PARD3B: variants seen among roughly 807,000 people sequenced by gnomAD.
The protein encoded by PARD3B is par-3 family cell polarity regulator beta, also known as partitioning defective 3 homolog B.
In PARD3B, 103 loss-of-function variants were observed where a neutral mutation model predicts 130.2. The observed-to-expected ratio is 0.79, with a 90% CI of 0.67 to 0.93. The LOEUF (loss-of-function observed/expected upper bound fraction) is 0.93. PARD3B is among the 40% of genes least tolerant of loss of function. PARD3B has a pLI of 0.00. For missense variants in PARD3B, 1,609 were observed against 1,499.2 expected, an observed-to-expected ratio of 1.07 and a Z score of -1.21; for synonymous variants, 583 against 553.2, an observed-to-expected ratio of 1.05 and a Z score of -0.76.
chr2:204,989,446 T>G (rs1322978021), intron 3 of PARD3B, among the ~76,000 whole-genome samples: 2 of 152,118 alleles, frequency 1.3e-5, no homozygotes, highest in Non-Finnish European at 2.9e-5. Flanking sequence ...AATTAAATAT[T>G]GAATTTGAGA....
chr2:205,496,576 C>G (rs2049934005), intron 20 of PARD3B, among the ~76,000 whole-genome samples: 1 of 152,108 alleles, frequency 6.6e-6, no homozygotes, highest in Non-Finnish European at 1.5e-5. Flanking sequence ...GATTTCTTTT[C>G]TGGGTAAATA....
At chr2:204,647,183 T>G (rs2035303460) in intron 1 of PARD3B, among the ~76,000 whole-genome samples, 1 of 151,926 alleles carries the variant, frequency 6.6e-6, no homozygotes. Flanking sequence ...TAGTTTTAAT[T>G]AGCATTTTCT....
chr2:205,411,503 T>G (rs1168315324), intron 19 of PARD3B, among the ~76,000 whole-genome samples: 1 of 152,160 alleles, frequency 6.6e-6, no homozygotes, highest in South Asian at 2.1e-4. Flanking sequence ...TCTTTCAGAT[T>G]GTTGTGAAAA....
At chr2:205,520,859 T>G (rs2051016149) in intron 21 of PARD3B, among the ~76,000 whole-genome samples, 1 of 152,066 alleles carries the variant, frequency 6.6e-6, no homozygotes, top group African/African-American at 2.4e-5. Flanking sequence ...CTAGAAAGGA[T>G]ATTAAGTAAT....
intron 18 of PARD3B, among the ~76,000 whole-genome samples, chr2:205,384,609 T>C (rs531947560): frequency 2.4e-4 from 37 of 152,176 alleles, no homozygotes; most frequent in Non-Finnish European, 4.4e-4. Flanking sequence ...GCTGTGTCTA[T>C]GTGCTCTCCA....
intron 4 of PARD3B, among the ~76,000 whole-genome samples, chr2:205,066,765 CTTCTAA>C (rs1700405570): frequency 6.6e-6 from 1 of 151,976 alleles, no homozygotes; most frequent in African/African-American, 2.4e-5. Flanking sequence ...GACGGTTTTT[CTTCTAA>C]TTCTAAATCA....
At chr2:205,513,321 C>G (rs1387369493) in intron 21 of PARD3B, among the ~76,000 whole-genome samples, 1 of 151,982 alleles carries the variant, frequency 6.6e-6, no homozygotes. Flanking sequence ...AAATGGATAG[C>G]TTTCTCCTTT....
intron 1 of PARD3B, among the ~76,000 whole-genome samples, chr2:204,662,544 T>G (rs2035858263): frequency 6.6e-6 from 1 of 152,238 alleles, no homozygotes; most frequent in African/African-American, 2.4e-5. Context: ...AAGTTCTTTT[T>G]CTTTGCAGAA....
At chr2:204,928,711 T>C (rs1042512158) in intron 2 of PARD3B, among the ~76,000 whole-genome samples, 10 of 152,144 alleles carry the variant, frequency 6.6e-5, no homozygotes, top group Non-Finnish European at 1.5e-4. Context: ...CTTCCCTTGC[T>C]GTAGGTGAGC....
chr2:205,019,737 T>C (rs1186179512), intron 3 of PARD3B, among the ~76,000 whole-genome samples: 1 of 152,162 alleles, frequency 6.6e-6, no homozygotes, highest in Non-Finnish European at 1.5e-5. Flanking sequence ...GTAGAATGGA[T>C]GGTTTTTGAA....
intron 2 of PARD3B, among the ~76,000 whole-genome samples, chr2:204,686,559 G>A (rs888694430): frequency 1.3e-5 from 2 of 152,186 alleles, no homozygotes; most frequent in Non-Finnish European, 2.9e-5. Context: ...ATGTGAGGCT[G>A]TTGGAATCAT....
chr2:205,339,021 T>C (rs1460386459), intron 18 of PARD3B, among the ~76,000 whole-genome samples: 1 of 152,210 alleles, frequency 6.6e-6, no homozygotes, highest in Non-Finnish European at 1.5e-5. Flanking sequence ...TCTGGTAGCC[T>C]CTATTAACAT....
At chr2:204,701,840 C>T (rs1431495906) in intron 2 of PARD3B, among the ~76,000 whole-genome samples, 3 of 151,902 alleles carry the variant, frequency 2.0e-5, no homozygotes, top group African/African-American at 7.3e-5. Flanking sequence ...ATCCTGTCAT[C>T]CAGGTACTGA....
intron 22 of PARD3B, among the ~76,000 whole-genome samples, chr2:205,581,261 G>A (rs1559238072): frequency 7.1e-6 from 1 of 141,304 alleles, no homozygotes; most frequent in African/African-American, 2.7e-5. Context: ...GATATATATA[G>A]ATATAGATAG....
intron 1 of PARD3B, among the ~76,000 whole-genome samples, chr2:204,605,810 G>T (rs988476451): frequency 2.0e-5 from 3 of 152,238 alleles, no homozygotes; most frequent in East Asian, 1.9e-4. Flanking sequence ...GGACAGTAAT[G>T]GTTGTTTTAT....
chr2:204,642,812 G>A (rs778186864), intron 1 of PARD3B, among the ~76,000 whole-genome samples: 2 of 151,534 alleles, frequency 1.3e-5, no homozygotes, highest in Non-Finnish European at 2.9e-5. Flanking sequence ...CTGGTTGTTG[G>A]AAAGTGTTTG....
Position 205,300,498 on chromosome 2 carries a change from A to G in PARD3B, c.2186-32A>G, listed in dbSNP as rs1281390230. On this transcript the variant is annotated intron_variant, in intron 16 of 22. Coordinates refer to ENST00000406610, the MANE Select transcript of PARD3B (RefSeq NM_001302769.2). This position sits in a 1 kb window ranked among gnomAD's most constrained non-coding sequence, Gnocchi z 4.1. ...CATTACACCACACTGCCCCATTAGA[A>G]GAGGGGTGACCTTTTGCCCTTTCTT... 3.2e-6 allele frequency: 5 copies of G among 1,557,776 alleles called. No homozygotes were observed. In the African/African-American group the frequency reaches 6.8e-5, roughly 21 times the overall value.
At chr2:205,150,250 T>C (rs200179852) in intron 10 of PARD3B, among the ~76,000 whole-genome samples, 948 of 92,812 alleles carry the variant, frequency 0.01, 9 homozygotes, top group Admixed American at 0.033. Context: ...TGTGTGTGTG[T>C]GTGCACACAC....
intron 22 of PARD3B, among the ~76,000 whole-genome samples, chr2:205,609,171 G>T (rs940683061): frequency 6.6e-6 from 1 of 152,106 alleles, no homozygotes; most frequent in African/African-American, 2.4e-5. Flanking sequence ...AACCACATTC[G>T]TGCCTGGACC....
Sources: gnomAD v4.1 joint callset for allele counts (sites outside exome capture counted in the v4.1 genomes callset) on GRCh38, gnomAD v4.1.1 for gene constraint, Gnocchi (gnomAD v3.1) non-coding constraint, MANE v1.5 for transcripts, NCBI Gene and HGNC (gene_info 2026-07-23, HGNC 2026-07-21) for gene names.